The following FAM13A variants were observed in gnomAD, a reference collection of about 807,000 sequenced individuals.
The protein encoded by FAM13A is protein FAM13A.
Under a neutral mutation model 129.6 loss-of-function variants are expected in FAM13A, and 76 were observed. The ratio of observed to expected loss-of-function variants is 0.59; its 90% CI spans 0.49 to 0.71. FAM13A has a LOEUF of 0.71. FAM13A is among the 30% of genes least tolerant of loss of function. The probability of loss-of-function intolerance (pLI) is 0.00; values close to 1 mark genes in which losing one functional copy is unlikely to be tolerated. For synonymous variants in FAM13A, 443 were observed against 449.9 expected, an observed-to-expected ratio of 0.98 and a Z score of 0.20; for missense variants, 1,108 against 1,249.3, an observed-to-expected ratio of 0.89 and a Z score of 1.70.
At chr4:88,970,616 T>C (rs958324129) in intron 4 of FAM13A, among the ~76,000 whole-genome samples, 4 of 151,796 alleles carry the variant, frequency 2.6e-5, no homozygotes, top group Non-Finnish European at 5.9e-5. Flanking sequence ...GATCTTCAAT[T>C]AGAAAGAAAT....
intron 21 of FAM13A, among the ~76,000 whole-genome samples, chr4:88,734,741 G>A (rs1738622850): frequency 6.6e-6 from 1 of 152,216 alleles, no homozygotes; most frequent in Non-Finnish European, 1.5e-5. Context: ...ACTCTGGTAA[G>A]CATCCCACAA....
intron 7 of FAM13A, among the ~76,000 whole-genome samples, chr4:88,838,833 T>C (rs1735302457): frequency 6.6e-6 from 1 of 152,226 alleles, no homozygotes; most frequent in African/African-American, 2.4e-5. Context: ...CTAGTGTTTA[T>C]TTCCTTCTAT....
chr4:88,903,114 AAATAT>A (rs1239814212), intron 6 of FAM13A, among the ~76,000 whole-genome samples: 2 of 152,228 alleles, frequency 1.3e-5, no homozygotes, highest in African/African-American at 4.8e-5. Context: ...GGACACAAAC[AAATAT>A]AACAACATTC....
At chr4:88,816,831 T>A (rs962998677) in intron 7 of FAM13A, among the ~76,000 whole-genome samples, 1 of 152,226 alleles carries the variant, frequency 6.6e-6, no homozygotes, top group African/African-American at 2.4e-5. Flanking sequence ...AGTTCAGTCA[T>A]CTGGAAAATG....
chr4:88,817,645 T>C (rs1731034839), intron 7 of FAM13A, among the ~76,000 whole-genome samples: 1 of 152,210 alleles, frequency 6.6e-6, no homozygotes, highest in Non-Finnish European at 1.5e-5. Flanking sequence ...GAACATACTA[T>C]TCCATTGGGA....
intron 6 of FAM13A, among the ~76,000 whole-genome samples, chr4:88,882,335 T>A (rs1329376520): frequency 6.6e-6 from 1 of 152,150 alleles, no homozygotes; most frequent in East Asian, 1.9e-4. Flanking sequence ...TTTAGACTGC[T>A]TAAACAAAGT....
chr4:88,745,766 C>T (rs78884092), intron 19 of FAM13A, among the ~76,000 whole-genome samples: 1 of 152,158 alleles, frequency 6.6e-6, no homozygotes, highest in East Asian at 1.9e-4. Context: ...CCAAACAAAG[C>T]TTGGCTGAAA....
rs527786946 is a variant in FAM13A at position 88,834,963 on chromosome 4, T to A, written c.1007+16057A>T. 6.6e-5 allele frequency among the ~76,000 whole-genome samples: 10 copies of A among 152,336 alleles called. No individual in the cohort carries two copies. In the East Asian group the frequency reaches 1.9e-3, roughly 29 times the overall value. ...TATTAACCTCTGCATTACAGCTTTT[T>A]TTTTCCTAGTGAATTTTACTTATTT... On this transcript the variant is annotated intron_variant, in intron 7 of 23. Transcript: ENST00000264344.
At position 88,979,658 on chromosome 4, in the gene FAM13A, C is replaced by CTAT. The variant is rs1186193615; in HGVS notation, c.605+11312_605+11314dup. On this transcript the variant is annotated intron_variant, in intron 4 of 23. Transcript: ENST00000264344. ...CTAGTAAGAACTCAATAAATATTGC[C>CTAT]TATTATTATTATTGCCAAGAAAAAA... Among the ~76,000 whole-genome samples, 3 of 152,202 alleles carry CTAT rather than the reference C, an allele frequency of 2.0e-5. No homozygotes were observed. The East Asian group carries it at 5.8e-4, about 29-fold the overall frequency.
intron 4 of FAM13A, among the ~76,000 whole-genome samples, chr4:88,949,533 T>G (rs944464045): frequency 5.3e-5 from 8 of 152,212 alleles, no homozygotes; most frequent in African/African-American, 1.9e-4. Context: ...TTTCCAAATT[T>G]GTACTCTCCT....
At chr4:89,020,711 A>C in intron 2 of FAM13A, 42 bp from the exon 3 acceptor site, 255 of 1,324,754 alleles carry the variant, frequency 1.9e-4, no homozygotes, top group Non-Finnish European at 2.5e-4. Context: ...TAGGTTTCTC[A>C]CAGACATGAA....
At chr4:88,785,239 T>C (rs1163149887) in intron 10 of FAM13A, among the ~76,000 whole-genome samples, 1 of 152,178 alleles carries the variant, frequency 6.6e-6, no homozygotes, top group Non-Finnish European at 1.5e-5. Context: ...CTAAACACTT[T>C]TTAACCACTT....
intron 5 of FAM13A, among the ~76,000 whole-genome samples, chr4:88,924,007 G>C (rs1751644357): frequency 6.6e-6 from 1 of 152,100 alleles, no homozygotes; most frequent in Non-Finnish European, 1.5e-5. Flanking sequence ...GGACGTGAAG[G>C]ACCTCTTCAA....
intron 4 of FAM13A, among the ~76,000 whole-genome samples, chr4:88,970,582 C>A (rs1414706314): frequency 1.3e-5 from 2 of 151,064 alleles, no homozygotes; most frequent in Non-Finnish European, 1.5e-5. Context: ...TAATAAATTT[C>A]AAAAATTGAG....
At chr4:89,009,059 C>T (rs1765413811) in intron 3 of FAM13A, 1 of 152,126 alleles carries the variant, frequency 6.6e-6, no homozygotes, top group Non-Finnish European at 1.5e-5. Flanking sequence ...CAAGATGTCA[C>T]ATCAGGATCT....
At chr4:88,915,651 C>G (rs1474986333) in intron 5 of FAM13A, among the ~76,000 whole-genome samples, 1 of 152,058 alleles carries the variant, frequency 6.6e-6, no homozygotes, top group Non-Finnish European at 1.5e-5. Context: ...CAGGGGTGGT[C>G]AAATTAAATC....
At position 88,753,629 on chromosome 4, in the gene FAM13A, C is replaced by T. The variant is rs187334662; in HGVS notation, c.1727-2992G>A. 2,720 of 942,846 alleles carry T rather than the reference C, an allele frequency of 2.9e-3. 10 individuals are homozygous for T. The highest frequency in any genetic ancestry group is 6.0e-3 in the Middle Eastern group (11 of 1,846). The allele number at this position is 942,846 out of a possible 1,614,324, so 58.4% of individuals were successfully genotyped here. A position where few individuals can be genotyped will look rare whatever the true frequency, so the allele number is the denominator to read the frequency against. On this transcript the variant is annotated intron_variant, in intron 14 of 23. Transcript: ENST00000264344. Reference sequence around the variant, plus strand: ...ACACAAAATGCTTACCTGATTCTCTCCTTTTTCTCTCTTTTCTGTTATTCG... The same window carrying T: ...ACACAAAATGCTTACCTGATTCTCTTCTTTTTCTCTCTTTTCTGTTATTCG...
intron 8 of FAM13A, among the ~76,000 whole-genome samples, chr4:88,790,838 C>G (rs574551166): frequency 5.9e-5 from 9 of 152,216 alleles, no homozygotes; most frequent in East Asian, 5.8e-4. Flanking sequence ...GCTTTTTCTC[C>G]TTTTAAAAGT....
At chr4:88,962,991 G>C (rs1352554593) in intron 4 of FAM13A, among the ~76,000 whole-genome samples, 2 of 152,122 alleles carry the variant, frequency 1.3e-5, no homozygotes, top group Non-Finnish European at 2.9e-5. Context: ...TTTCTGTGTA[G>C]AGATTTCTAA....
Sources: allele counts gnomAD v4.1 joint callset (sites outside exome capture counted in the v4.1 genomes callset), GRCh38; gene constraint gnomAD v4.1.1; transcripts MANE v1.5; gene names NCBI Gene and HGNC (gene_info 2026-07-23, HGNC 2026-07-21).